The following PIK3C2G variants were observed in gnomAD, a reference collection of about 807,000 sequenced individuals.
PIK3C2G encodes phosphatidylinositol-4-phosphate 3-kinase catalytic subunit type 2 gamma, also known as phosphatidylinositol 3-kinase C2 domain-containing subunit gamma.
Under a neutral mutation model 181.1 loss-of-function variants are expected in PIK3C2G, and 168 were observed. The ratio of observed to expected loss-of-function variants is 0.93; its 90% CI spans 0.82 to 1.05. The LOEUF (loss-of-function observed/expected upper bound fraction) is 1.05. PIK3C2G is among the 50% of genes least tolerant of loss of function. The pLI, the probability that PIK3C2G is intolerant of heterozygous loss-of-function variation, is 0.00. For synonymous variants in PIK3C2G, 573 were observed against 592.2 expected, an observed-to-expected ratio of 0.97 and a Z score of 0.47; for missense variants, 1,869 against 1,732.8, an observed-to-expected ratio of 1.08 and a Z score of -1.40.
At chr12:18,564,094 G>T (rs1326208233) in intron 28 of PIK3C2G, among the ~76,000 whole-genome samples, 8 of 151,572 alleles carry the variant, frequency 5.3e-5, no homozygotes, top group Non-Finnish European at 4.4e-5. Flanking sequence ...AATTGAATTT[G>T]TTATTTTGTT....
intron 30 of PIK3C2G, among the ~76,000 whole-genome samples, chr12:18,594,867 A>C (rs1379343745): frequency 9.7e-4 from 147 of 152,176 alleles, no homozygotes; most frequent in Non-Finnish European, 1.5e-4. Context: ...ATTGCAGACC[A>C]CTGTCAAATC....
At chr12:18,687,771 T>G in the PIK3C2G span, among the ~76,000 whole-genome samples, 1 of 152,036 alleles carries the variant, frequency 6.6e-6, no homozygotes, top group East Asian at 1.9e-4. Context: ...GGCTAGAAGC[T>G]AAGTAGATTT....
intron 29 of PIK3C2G, among the ~76,000 whole-genome samples, chr12:18,577,123 A>C (rs1946270437): frequency 6.6e-6 from 1 of 152,198 alleles, no homozygotes; most frequent in South Asian, 2.1e-4. Flanking sequence ...GAAACTCCTA[A>C]ATGTATCTGC....
At chr12:18,621,265 AC>A (rs1423756342) in intron 31 of PIK3C2G, among the ~76,000 whole-genome samples, 1 of 151,912 alleles carries the variant, frequency 6.6e-6, no homozygotes, top group East Asian at 1.9e-4. Context: ...CTCATAAACA[AC>A]TCATCAGCAT....
At chr12:18,644,056 A>G (rs1417639377) in intron 32 of PIK3C2G, among the ~76,000 whole-genome samples, 1 of 152,080 alleles carries the variant, frequency 6.6e-6, no homozygotes, top group Non-Finnish European at 1.5e-5. Context: ...CAGAGATGAG[A>G]GGGGCTGGGT....
intron 18 of PIK3C2G, among the ~76,000 whole-genome samples, chr12:18,483,636 T>C (rs1939766493): frequency 6.6e-6 from 1 of 152,062 alleles, no homozygotes; most frequent in African/African-American, 2.4e-5. Flanking sequence ...TGACTTTTGT[T>C]TATTTTCAGT....
At chr12:18,593,374 G>A (rs1019990033) in intron 29 of PIK3C2G, among the ~76,000 whole-genome samples, 3 of 151,880 alleles carry the variant, frequency 2.0e-5, no homozygotes, top group Admixed American at 6.6e-5. Flanking sequence ...TTTATGGCAG[G>A]AAGTTTAGGA....
At chr12:18,439,885 T>C (rs888707474) in intron 18 of PIK3C2G, among the ~76,000 whole-genome samples, 1 of 152,080 alleles carries the variant, frequency 6.6e-6, no homozygotes, top group African/African-American at 2.4e-5. Flanking sequence ...ATTTGTAAAA[T>C]ACGTTTATTT....
At chr12:18,612,451 T>C (rs745621893) in intron 31 of PIK3C2G, among the ~76,000 whole-genome samples, 16 of 152,106 alleles carry the variant, frequency 1.1e-4, no homozygotes, top group Non-Finnish European at 2.1e-4. Flanking sequence ...TAGTAGGTAC[T>C]CAGTAAAGCC....
At chr12:18,438,940 T>C (rs970671613) in intron 18 of PIK3C2G, among the ~76,000 whole-genome samples, 1 of 151,872 alleles carries the variant, frequency 6.6e-6, no homozygotes, top group South Asian at 2.1e-4. Flanking sequence ...GAATATGTTT[T>C]TGGAGTCATT....
At chr12:18,702,975 T>C in the PIK3C2G span, among the ~76,000 whole-genome samples, 1 of 151,862 alleles carries the variant, frequency 6.6e-6, no homozygotes, top group African/African-American at 2.4e-5. Flanking sequence ...GTAACTTTAA[T>C]TCTTTATTTA....
chr12:18,451,777 G>T (rs1385182306), intron 18 of PIK3C2G, among the ~76,000 whole-genome samples: 1 of 152,204 alleles, frequency 6.6e-6, no homozygotes, highest in African/African-American at 2.4e-5. Flanking sequence ...TTTTTAGCAT[G>T]AAGGGGTGTT....
chr12:18,701,354 G>A, the PIK3C2G span: 9 of 1,408,366 alleles, frequency 6.4e-6, no homozygotes, highest in Non-Finnish European at 8.5e-6. Flanking sequence ...TTCCACCATC[G>A]ATGTTTTCAA....
intron 25 of PIK3C2G, among the ~76,000 whole-genome samples, chr12:18,544,225 G>A (rs1044250315): frequency 1.3e-5 from 2 of 151,832 alleles, no homozygotes; most frequent in African/African-American, 4.8e-5. Context: ...CCCAGTCTGT[G>A]CTATAGATGG....
Position 18,528,996 on chromosome 12 carries a change from G to C in PIK3C2G, c.3324-9160G>C, listed in dbSNP as rs115994224. Among the ~76,000 whole-genome samples, 1,125 of 152,236 alleles carry C rather than the reference G, an allele frequency of 7.4e-3. 13 individuals are homozygous for C. Among genetic ancestry groups the C allele is most frequent in the African/African-American group, 0.026 (1,063 of 41,490 alleles). ...AAATGAAGAACTGAGACAGAGAGAAGTCTTAGTTGTTAAAATTTGTTCAAA... is the reference window on the plus strand; with the variant it reads ...AAATGAAGAACTGAGACAGAGAGAACTCTTAGTTGTTAAAATTTGTTCAAA... On this transcript the variant is annotated intron_variant, in intron 24 of 32. Coordinates refer to ENST00000538779, the MANE Select transcript of PIK3C2G (RefSeq NM_001288772.2).
At chr12:18,456,166 T>A (rs1355638569) in intron 18 of PIK3C2G, among the ~76,000 whole-genome samples, 2 of 152,202 alleles carry the variant, frequency 1.3e-5, no homozygotes, top group African/African-American at 4.8e-5. Context: ...ATAAAGTTTT[T>A]AAAATGTTAA....
chr12:18,674,676 G>A, the PIK3C2G span, among the ~76,000 whole-genome samples: 1 of 152,142 alleles, frequency 6.6e-6, no homozygotes, highest in South Asian at 2.1e-4. Flanking sequence ...CTCCCATGAA[G>A]AGGCAAAGCA....
intron 29 of PIK3C2G, among the ~76,000 whole-genome samples, chr12:18,570,354 G>T (rs373614638): frequency 7.1e-6 from 1 of 141,368 alleles, no homozygotes; most frequent in Non-Finnish European, 1.5e-5. Flanking sequence ...GATTACAGGC[G>T]CCCACCACCA....
chr12:18,274,570 G>A (rs536466547), intron 1 of PIK3C2G, among the ~76,000 whole-genome samples: 2 of 151,924 alleles, frequency 1.3e-5, no homozygotes, highest in African/African-American at 4.8e-5. Context: ...ACCAAACACC[G>A]CATGTTCTCA....
Sources: allele counts gnomAD v4.1 joint callset (sites outside exome capture counted in the v4.1 genomes callset), GRCh38; gene constraint gnomAD v4.1.1; transcripts MANE v1.5; gene names NCBI Gene and HGNC (gene_info 2026-07-23, HGNC 2026-07-21).